The following HPSE2 variants were observed in gnomAD, a reference collection of about 807,000 sequenced individuals.
HPSE2 encodes heparanase 2 (inactive), also known as inactive heparanase-2.
Under a neutral mutation model 60.5 loss-of-function variants are expected in HPSE2, and 38 were observed. The ratio of observed to expected loss-of-function variants is 0.63; its 90% CI spans 0.48 to 0.82. HPSE2 has a LOEUF of 0.82. Ranked by LOEUF, HPSE2 falls within the 40% of genes least tolerant of loss-of-function variation. HPSE2 has a pLI of 0.00. For missense variants in HPSE2, 713 were observed against 740.4 expected (o/e 0.96, Z 0.43); for synonymous variants, 295 against 293.2 (o/e 1.01, Z -0.06).
Position 98,459,443 on chromosome 10 carries a change from C to T in HPSE2, c.*131G>A. ...CATTTAGTCTCTTTGGAGAGCAAGT[C>T]TGTGTTGATTCCAGCAGGATGGGGC... On this transcript the variant is annotated 3_prime_UTR_variant, in exon 12 of 12. Transcript: ENST00000370552. 2.0e-6 allele frequency: 2 copies of T among 1,000,334 alleles called. No homozygotes were observed. The highest frequency in any genetic ancestry group is 3.2e-6 in the Non-Finnish European group (2 of 625,904). 62.0% of individuals were successfully genotyped at this position (1,000,334 alleles called of 1,614,324 possible).
intron 2 of HPSE2, among the ~76,000 whole-genome samples, chr10:99,221,308 A>G (rs1002486666): frequency 2.0e-5 from 3 of 152,208 alleles, no homozygotes; most frequent in Non-Finnish European, 2.9e-5. Context: ...TAGCTACCAA[A>G]TAAGTGGGAA....
At chr10:98,832,060 G>A (rs983521786) in intron 3 of HPSE2, among the ~76,000 whole-genome samples, 8 of 152,120 alleles carry the variant, frequency 5.3e-5, no homozygotes, top group Admixed American at 2.0e-4. Context: ...CCACAGTCTG[G>A]GCTAGAAATC....
intron 9 of HPSE2, among the ~76,000 whole-genome samples, chr10:98,598,578 G>C (rs115943227): frequency 6.6e-6 from 1 of 152,168 alleles, no homozygotes; most frequent in African/African-American, 2.4e-5. Flanking sequence ...GGTCCACAGC[G>C]TTGTGACTGA....
the HPSE2 span, among the ~76,000 whole-genome samples, chr10:99,256,115 T>A: frequency 1.3e-5 from 2 of 151,698 alleles, no homozygotes; most frequent in Admixed American, 6.6e-5. Flanking sequence ...TCTGCCCCCA[T>A]GATCCAATCA....
intron 3 of HPSE2, among the ~76,000 whole-genome samples, chr10:98,850,883 C>T (rs989055444): frequency 6.6e-6 from 1 of 152,154 alleles, no homozygotes; most frequent in African/African-American, 2.4e-5. Context: ...CTTGCCTAGG[C>T]AACATCAAGT....
the HPSE2 span, among the ~76,000 whole-genome samples, chr10:99,271,801 C>T: frequency 3.5e-4 from 53 of 152,132 alleles, no homozygotes; most frequent in African/African-American, 1.3e-3. Context: ...AACAGGGACA[C>T]AGACCAATGG....
upstream of HPSE2, among the ~76,000 whole-genome samples, chr10:99,237,437 A>G (rs1470397912): frequency 6.6e-6 from 1 of 152,170 alleles, no homozygotes; most frequent in Non-Finnish European, 1.5e-5. Context: ...ACAAATCTGA[A>G]AACAGCTGGA....
chr10:98,805,528 T>C (rs11189825), intron 3 of HPSE2, among the ~76,000 whole-genome samples: 7,858 of 152,038 alleles, frequency 0.052, 440 homozygotes, highest in East Asian at 0.17. Context: ...CATAAATATA[T>C]ACACATACAC....
chr10:98,854,569 AC>A (rs1564613044), intron 3 of HPSE2, among the ~76,000 whole-genome samples: 3 of 152,202 alleles, frequency 2.0e-5, no homozygotes, highest in African/African-American at 7.2e-5. Flanking sequence ...GGATGTACCT[AC>A]TGCTACACAT....
intron 7 of HPSE2, among the ~76,000 whole-genome samples, chr10:98,640,127 G>A (rs1287293537): frequency 1.3e-5 from 2 of 152,100 alleles, no homozygotes; most frequent in African/African-American, 4.8e-5. Flanking sequence ...TATTACATTA[G>A]GTAATATGTT....
At chr10:98,963,285 A>G (rs1955728809) in intron 3 of HPSE2, among the ~76,000 whole-genome samples, 1 of 152,194 alleles carries the variant, frequency 6.6e-6, no homozygotes, top group Non-Finnish European at 1.5e-5. Context: ...TAGACAATAC[A>G]AAAAGCAAAG....
intron 9 of HPSE2, among the ~76,000 whole-genome samples, chr10:98,541,701 G>A (rs1943467857): frequency 6.6e-6 from 1 of 152,212 alleles, no homozygotes. Flanking sequence ...TACACCCACG[G>A]AGTCTTGCTG....
chr10:98,949,354 G>A (rs983457415), intron 3 of HPSE2, among the ~76,000 whole-genome samples: 1 of 152,108 alleles, frequency 6.6e-6, no homozygotes, highest in Non-Finnish European at 1.5e-5. Context: ...AACCCAAGGT[G>A]GGCCAATCAG....
intron 3 of HPSE2, among the ~76,000 whole-genome samples, chr10:98,908,406 G>A (rs1953882133): frequency 6.6e-6 from 1 of 152,110 alleles, no homozygotes; most frequent in Non-Finnish European, 1.5e-5. Flanking sequence ...TATGGAGGCT[G>A]GGCGCAGTGG....
At chr10:99,003,378 T>C (rs1956820317) in intron 3 of HPSE2, among the ~76,000 whole-genome samples, 2 of 152,144 alleles carry the variant, frequency 1.3e-5, no homozygotes, top group Non-Finnish European at 2.9e-5. Context: ...ATGAGACTGC[T>C]GCATCAAATG....
At chr10:99,004,667 G>A (rs1017471331) in intron 3 of HPSE2, among the ~76,000 whole-genome samples, 10 of 152,222 alleles carry the variant, frequency 6.6e-5, no homozygotes, top group African/African-American at 2.4e-4. Flanking sequence ...CTAAAGATAT[G>A]TGATTTACAT....
rs552984733 is a variant in HPSE2 at position 98,896,426 on chromosome 10, G to A, written c.611-152370C>T. On this transcript the variant is annotated intron_variant, in intron 3 of 11. Coordinates refer to ENST00000370552, the MANE Select transcript of HPSE2 (RefSeq NM_021828.5). ...ATTCAACACAGTAGACAGTGCAACA[G>A]GGAGTAGTTCTAATCATATGGTTGG... Among the ~76,000 whole-genome samples, 17 of 152,276 alleles carry A rather than the reference G, an allele frequency of 1.1e-4. 1 individual carries two copies. In the South Asian group the frequency reaches 2.7e-3, roughly 24 times the overall value.
intron 2 of HPSE2, among the ~76,000 whole-genome samples, chr10:99,161,098 G>A (rs573272923): frequency 6.6e-6 from 1 of 151,678 alleles, no homozygotes; most frequent in Non-Finnish European, 1.5e-5. Context: ...GCATGTGCCT[G>A]TAGTCCCAGC....
At chr10:99,133,847 G>A (rs932080480) in intron 3 of HPSE2, among the ~76,000 whole-genome samples, 1 of 152,090 alleles carries the variant, frequency 6.6e-6, no homozygotes, top group African/African-American at 2.4e-5. Context: ...CTCCAGCAAG[G>A]GAACAAAACT....
Sources: gnomAD v4.1 joint callset for allele counts (sites outside exome capture counted in the v4.1 genomes callset) on GRCh38, gnomAD v4.1.1 for gene constraint, MANE v1.5 for transcripts, NCBI Gene and HGNC (gene_info 2026-07-23, HGNC 2026-07-21) for gene names.